Variants in NRXN1 observed in about 807,000 individuals in gnomAD.
NRXN1 encodes the protein neurexin-1.
In NRXN1, 39 loss-of-function variants were observed where a neutral mutation model predicts 150.9. That is an observed-to-expected ratio of 0.26 (90% CI 0.20 to 0.34). The LOEUF is 0.34. Ranked by LOEUF, NRXN1 falls within the 10% of genes least tolerant of loss-of-function variation. The probability of loss-of-function intolerance (pLI) is 1.00; values close to 1 mark genes in which losing one functional copy is unlikely to be tolerated. For synonymous variants in NRXN1, 924 were observed against 757.0 expected, an observed-to-expected ratio of 1.22 and a Z score of -3.62; for missense variants, 1,815 against 1,949.9, an observed-to-expected ratio of 0.93 and a Z score of 1.30.
intron 8 of NRXN1, among the ~76,000 whole-genome samples, chr2:50,582,650 A>G (rs1672466240): frequency 6.9e-6 from 1 of 145,252 alleles, no homozygotes. Flanking sequence ...TTTATTAACC[A>G]CACTTTGGGA....
At chr2:50,553,419 G>A (rs1317548589) in intron 8 of NRXN1, among the ~76,000 whole-genome samples, 3 of 152,140 alleles carry the variant, frequency 2.0e-5, no homozygotes, top group Non-Finnish European at 2.9e-5. Flanking sequence ...TATAAGCACT[G>A]AGGTTATTCA....
At chr2:50,487,084 G>A (rs1045669403) in intron 15 of NRXN1, among the ~76,000 whole-genome samples, 24 of 152,070 alleles carry the variant, frequency 1.6e-4, no homozygotes, top group Non-Finnish European at 3.1e-4. Flanking sequence ...TTCATCACCT[G>A]TTACATGGTG....
rs560784066 is a variant in NRXN1, at chr2:50,947,144, G to C, written c.773-21189C>G. 7.2e-4 allele frequency among the ~76,000 whole-genome samples: 109 copies of C among 152,120 alleles called. 1 individual carries two copies. Among genetic ancestry groups the C allele is most frequent in the African/African-American group, 2.6e-3 (106 of 41,538 alleles). On this transcript the variant is annotated intron_variant, in intron 2 of 22. Coordinates refer to ENST00000401669, the MANE Select transcript of NRXN1 (RefSeq NM_001330078.2). ...AAGACAAACATTTTTGTCCAGTCAT[G>C]TATTTTGATATAGAAGTTGAATCTC...
intron 2 of NRXN1, among the ~76,000 whole-genome samples, chr2:50,948,072 C>A (rs1003645435): frequency 6.6e-6 from 1 of 151,854 alleles, no homozygotes; most frequent in African/African-American, 2.4e-5. Flanking sequence ...TATTTCAGAA[C>A]ACACTTCCCA....
intron 21 of NRXN1, among the ~76,000 whole-genome samples, chr2:50,011,678 T>C (rs1185103678): frequency 1.3e-5 from 2 of 152,038 alleles, no homozygotes; most frequent in Non-Finnish European, 2.9e-5. Flanking sequence ...TTGAGATCTC[T>C]AGGTATAGAT....
rs1404581296 is a variant in NRXN1, at chr2:49,921,354, GA to G, written c.*589del. Reference sequence around the variant, plus strand: ...ACTTTTTTTTCCTCTCTCACAACCAGAAAGGGGCTTTTTGAATGTGTTCCTA... The same window carrying G: ...ACTTTTTTTTCCTCTCTCACAACCAGAAGGGGCTTTTTGAATGTGTTCCTA... On this transcript the variant is annotated 3_prime_UTR_variant, in exon 23 of 23. Transcript: ENST00000401669. 1 of 152,408 alleles carries G rather than the reference GA, an allele frequency of 6.6e-6. No homozygotes were observed. Among genetic ancestry groups the G allele is most frequent in the Non-Finnish European group, 1.5e-5 (1 of 68,014 alleles). 9.4% of individuals were successfully genotyped at this position (152,408 alleles called of 1,614,324 possible).
chr2:50,619,900 T>C lies in NRXN1; in HGVS notation c.1320+122A>G, dbSNP rs138719770. 5.9e-5 allele frequency: 49 copies of C among 824,930 alleles called. No individual in the cohort carries two copies. Among genetic ancestry groups the C allele is most frequent in the Admixed American group, 4.6e-4 (14 of 30,416 alleles). 51.1% of individuals were successfully genotyped at this position (824,930 alleles called of 1,614,324 possible). On this transcript the variant is annotated intron_variant, in intron 8 of 22. Transcript: ENST00000401669. The stretch of plus-strand genomic sequence containing the variant: ...ATCCTACATAAACAATAGTAGAATA[T>C]TGAATTTAAAGTTGTGCCGTTTGAC...
In NRXN1 at chr2:50,106,624, C is replaced by G. The variant is rs1026677804; in HGVS notation, c.3547-15130G>C. ...CACAATTTGGTTTGGTAACATTAAGCTTTTGATAAACTTTCCTAGTCAAAA... is the reference window on the plus strand; with the variant it reads ...CACAATTTGGTTTGGTAACATTAAGGTTTTGATAAACTTTCCTAGTCAAAA... On this transcript the variant is annotated intron_variant, in intron 18 of 22. Coordinates refer to ENST00000401669, the MANE Select transcript of NRXN1 (RefSeq NM_001330078.2). Among the ~76,000 whole-genome samples, 4 of 151,848 alleles carry G rather than the reference C, an allele frequency of 2.6e-5. 1 individual carries two copies. Among genetic ancestry groups the G allele is most frequent in the Admixed American group, 2.0e-4 (3 of 15,230 alleles).
At chr2:50,990,136 G>C (rs1192251675) in intron 2 of NRXN1, among the ~76,000 whole-genome samples, 1 of 151,804 alleles carries the variant, frequency 6.6e-6, no homozygotes, top group Non-Finnish European at 1.5e-5. Flanking sequence ...AAAATATTTT[G>C]ATCTTTTTTA....
chr2:50,905,232 G>A (rs1161562216), intron 5 of NRXN1, among the ~76,000 whole-genome samples: 1 of 152,060 alleles, frequency 6.6e-6, no homozygotes, highest in Non-Finnish European at 1.5e-5. Flanking sequence ...CCATTAAGAT[G>A]TCTTTTTAAA....
chr2:50,124,804 T>G (rs900382695), intron 18 of NRXN1, among the ~76,000 whole-genome samples: 1 of 152,200 alleles, frequency 6.6e-6, no homozygotes, highest in African/African-American at 2.4e-5. Context: ...ATGTTTAAAA[T>G]ATATCTTTTC....
chr2:50,310,566 G>C (rs2075088810), intron 17 of NRXN1, among the ~76,000 whole-genome samples: 1 of 152,018 alleles, frequency 6.6e-6, no homozygotes, highest in African/African-American at 2.4e-5. Flanking sequence ...GGCCTCAAAT[G>C]ACTCTTATTA....
chr2:50,775,941 T>C lies in NRXN1; in HGVS notation c.832+145928A>G, dbSNP rs111888755. 2.7e-3 allele frequency among the ~76,000 whole-genome samples: 407 copies of C among 152,236 alleles called. 2 individuals carry two copies. The highest frequency in any genetic ancestry group is 9.3e-3 in the African/African-American group (385 of 41,554). On this transcript the variant is annotated intron_variant, in intron 5 of 22. Coordinates refer to ENST00000401669, the MANE Select transcript of NRXN1 (RefSeq NM_001330078.2). ...TGTTTAATTGGGTGTGGTGTGGTTGTTGGCTCTGTGATAAGAAAGCGTCAC... is the reference window on the plus strand; with the variant it reads ...TGTTTAATTGGGTGTGGTGTGGTTGCTGGCTCTGTGATAAGAAAGCGTCAC...
chr2:50,664,800 T>C (rs1687795504), intron 5 of NRXN1, among the ~76,000 whole-genome samples: 1 of 151,118 alleles, frequency 6.6e-6, no homozygotes, highest in Non-Finnish European at 1.5e-5. Context: ...ACAAAAACTA[T>C]GAAGCTGTAG....
chr2:50,981,931 T>C (rs900669471), intron 2 of NRXN1, among the ~76,000 whole-genome samples: 2 of 151,506 alleles, frequency 1.3e-5, no homozygotes, highest in Non-Finnish European at 2.9e-5. Flanking sequence ...TAGGAATAAA[T>C]CCAGATATCT....
At chr2:50,147,863 T>C (rs1369548702) in intron 18 of NRXN1, among the ~76,000 whole-genome samples, 1 of 151,760 alleles carries the variant, frequency 6.6e-6, no homozygotes, top group Non-Finnish European at 1.5e-5. Flanking sequence ...TTTCAGACTA[T>C]ATTGCTGAAG....
At chr2:49,992,607 G>A (rs1035420356) in intron 21 of NRXN1, among the ~76,000 whole-genome samples, 1 of 151,802 alleles carries the variant, frequency 6.6e-6, no homozygotes, top group Non-Finnish European at 1.5e-5. Flanking sequence ...TCTGTTATCT[G>A]AAAAACTCTG....
At chr2:50,327,234 TACA>T (rs1156354578) in intron 17 of NRXN1, among the ~76,000 whole-genome samples, 1 of 152,140 alleles carries the variant, frequency 6.6e-6, no homozygotes, top group East Asian at 1.9e-4. Flanking sequence ...CAATGATACA[TACA>T]ACATGGATAA....
At chr2:50,590,727 A>G (rs1674039702) in intron 8 of NRXN1, among the ~76,000 whole-genome samples, 2 of 152,282 alleles carry the variant, frequency 1.3e-5, no homozygotes, top group South Asian at 4.1e-4. Context: ...AAGAAGATGG[A>G]CGATCATGAA....
Sources: allele counts gnomAD v4.1 joint callset (sites outside exome capture counted in the v4.1 genomes callset), GRCh38; gene constraint gnomAD v4.1.1; transcripts MANE v1.5; gene names NCBI Gene and HGNC (gene_info 2026-07-23, HGNC 2026-07-21).